PLA2G5: variants seen among roughly 807,000 people sequenced by gnomAD.
PLA2G5 encodes Ca2+-dependent phospholipase A2.
Under a neutral mutation model 15.9 loss-of-function variants are expected in PLA2G5, and 12 were observed. The observed-to-expected ratio is 0.76, with a 90% CI of 0.48 to 1.23. The LOEUF (loss-of-function observed/expected upper bound fraction) is 1.23. PLA2G5 is among the 50% of genes most tolerant of loss of function. PLA2G5 has a pLI of 0.00. For missense variants in PLA2G5, 169 were observed against 177.1 expected, an observed-to-expected ratio of 0.95 and a Z score of 0.26; for synonymous variants, 71 against 71.4, an observed-to-expected ratio of 0.99 and a Z score of 0.03.
At chr1:20,031,311 C>T (rs1477706133) in intron 1 of PLA2G5, among the ~76,000 whole-genome samples, 4 of 152,048 alleles carry the variant, frequency 2.6e-5, no homozygotes, top group Non-Finnish European at 4.4e-5. Flanking sequence ...AAGAGGGGAT[C>T]GTGACTGATT....
At chr1:20,043,348 T>A (rs1412066734) in intron 1 of PLA2G5, among the ~76,000 whole-genome samples, 1 of 152,178 alleles carries the variant, frequency 6.6e-6, no homozygotes, top group Non-Finnish European at 1.5e-5. Flanking sequence ...AAAGAGAGTT[T>A]ATAGGCTTTA....
chr1:20,076,243 A>T (rs1208630667), intron 1 of PLA2G5, among the ~76,000 whole-genome samples: 1 of 151,842 alleles, frequency 6.6e-6, no homozygotes, highest in Non-Finnish European at 1.5e-5. Context: ...TGTTTTTTTT[A>T]AAGCACCGTG....
At chr1:20,074,149 AG>A (rs1163301025) in intron 1 of PLA2G5, among the ~76,000 whole-genome samples, 1 of 152,206 alleles carries the variant, frequency 6.6e-6, no homozygotes, top group Non-Finnish European at 1.5e-5. Context: ...TAAGTATTCT[AG>A]GCAGGGGGAG....
intron 1 of PLA2G5, among the ~76,000 whole-genome samples, chr1:20,078,917 G>A (rs1301273259): frequency 6.6e-6 from 1 of 151,292 alleles, no homozygotes; most frequent in Non-Finnish European, 1.5e-5. Context: ...GACTAGCCTG[G>A]GCAACATGGT....
chr1:20,064,845 G>A (rs898921948), intron 2 of PLA2G5, among the ~76,000 whole-genome samples: 6 of 152,068 alleles, frequency 3.9e-5, no homozygotes, highest in African/African-American at 1.4e-4. Context: ...CAGCTCCATG[G>A]GAATCACCAG....
chr1:20,087,026 C>T (rs566094682), intron 3 of PLA2G5, among the ~76,000 whole-genome samples: 1 of 152,154 alleles, frequency 6.6e-6, no homozygotes, highest in African/African-American at 2.4e-5. Context: ...TAAGCCAGGG[C>T]AGGAAGCCAG....
chr1:20,053,579 G>T lies in PLA2G5; in HGVS notation n.277-6053G>T, dbSNP rs201042113. On this transcript the variant is annotated intron_variant and non_coding_transcript_variant, in intron 1 of 6. Coordinates refer to the PLA2G5 transcript ENST00000460175. ...ATTATGTATTACTTTGCGGGGGGGG[G>T]GGTGATATGCAAAACTTTCCCTTGT... 5.1e-3 allele frequency among the ~76,000 whole-genome samples: 719 copies of T among 140,310 alleles called. 24 individuals are homozygous for T. Among genetic ancestry groups the T allele is most frequent in the African/African-American group, 0.018 (662 of 37,420 alleles). 92.0% of individuals were successfully genotyped at this position (140,310 alleles called of 152,430 possible). A position where few individuals can be genotyped will look rare whatever the true frequency, so the allele number is the denominator to read the frequency against.
At chr1:20,047,043 C>A (rs1000518352) in intron 1 of PLA2G5, among the ~76,000 whole-genome samples, 3 of 152,124 alleles carry the variant, frequency 2.0e-5, no homozygotes, top group African/African-American at 7.2e-5. Flanking sequence ...AAAAGGTGCC[C>A]CTGAGTAACC....
intron 1 of PLA2G5, among the ~76,000 whole-genome samples, chr1:20,051,556 C>T (rs2014178677): frequency 6.6e-6 from 1 of 152,160 alleles, no homozygotes; most frequent in Non-Finnish European, 1.5e-5. Flanking sequence ...TGTTTATCTC[C>T]ACCTGATTTC....
chr1:20,029,394 G>GACATGTTCCTCCGCTA (rs2012772130), intron 1 of PLA2G5, among the ~76,000 whole-genome samples: 3 of 151,990 alleles, frequency 2.0e-5, no homozygotes, highest in African/African-American at 7.3e-5. Context: ...TTCCTCCGCT[G>GACATGTTCCTCCGCTA]ATATGTTCCT....
chr1:20,069,591 G>A (rs1215605906), upstream of PLA2G5, among the ~76,000 whole-genome samples: 1 of 152,036 alleles, frequency 6.6e-6, no homozygotes, highest in Non-Finnish European at 1.5e-5. Flanking sequence ...AGCCCAGGAA[G>A]CCGAGGCTGC....
At chr1:20,057,024 T>C (rs1219965048) in intron 1 of PLA2G5, among the ~76,000 whole-genome samples, 1 of 152,168 alleles carries the variant, frequency 6.6e-6, no homozygotes. Context: ...AATATTACTT[T>C]TATTCCTTTA....
At chr1:20,030,542 C>T (rs931596910) in intron 1 of PLA2G5, among the ~76,000 whole-genome samples, 9 of 151,868 alleles carry the variant, frequency 5.9e-5, no homozygotes, top group Non-Finnish European at 1.3e-4. Context: ...TTCCTCTTAT[C>T]TCAATTGCAA....
chr1:20,088,457 GA>G (rs2016404303), intron 3 of PLA2G5, among the ~76,000 whole-genome samples: 1 of 148,220 alleles, frequency 6.7e-6, no homozygotes, highest in African/African-American at 2.5e-5. Context: ...AGGGAACTCT[GA>G]ATCAATTATG....
In PLA2G5 at chr1:20,083,369, C is replaced by A. The variant is rs914926181; in HGVS notation, c.-10-1452C>A. On this transcript the variant is annotated intron_variant, in intron 1 of 4. Coordinates refer to ENST00000375108, the MANE Select transcript of PLA2G5 (RefSeq NM_000929.3). ...GGGGAGTCTGAAGCATGTTTGGAGG[C>A]CAGGTCTTGGGAGGCGCCAGGGGTT... Among the ~76,000 whole-genome samples, 7 of 151,826 alleles carry A rather than the reference C, an allele frequency of 4.6e-5. No individual in the cohort carries two copies. In the South Asian group the frequency reaches 1.4e-3, roughly 31 times the overall value.
chr1:20,074,243 C>T (rs1000174666), intron 1 of PLA2G5, among the ~76,000 whole-genome samples: 22 of 152,112 alleles, frequency 1.4e-4, no homozygotes, highest in African/African-American at 5.1e-4. Context: ...TCAGAGCCTG[C>T]GGGCATCCTG....
Position 20,090,755 on chromosome 1 carries a change from C to G in PLA2G5, c.*63C>G. 1 of 1,534,270 alleles carries G rather than the reference C, an allele frequency of 6.5e-7. No homozygotes were observed. The highest frequency in any genetic ancestry group is 9.0e-7 in the Non-Finnish European group (1 of 1,109,672). On this transcript the variant is annotated 3_prime_UTR_variant, in exon 5 of 5. Transcript: ENST00000375108. ...TTCTGTTTTTCTACAACACAGAGTA[C>G]TGACTCTGCCTGGTTCCTGAGAGAG...
In PLA2G5 at chr1:20,090,658, A is replaced by G. The variant is rs771124138; in HGVS notation, c.383A>G (p.Gln128Arg). The change falls in exon 5 of 5, where the codon CAG becomes CGG. Residue 128 changes from glutamine (Q) to arginine (R), a missense_variant. Gln to Arg is a conservative substitution (Grantham distance 43). Transcript: ENST00000375108. ...LKRNLRSYNP[Q>R]YQYFPNILCS ...AGAAACCTACGGAGCTACAACCCAC[A>G]GTACCAATACTTTCCCAACATCCTC... is the stretch of plus-strand genomic sequence containing the variant. The G allele has an allele frequency of 7.4e-6, 12 of 1,614,058 alleles. No homozygotes were observed. The highest frequency in any genetic ancestry group is 1.0e-5 in the Non-Finnish European group (12 of 1,179,946).
intron 3 of PLA2G5, 42 bp from the exon 4 acceptor site, chr1:20,089,747 G>A (rs1379423780): frequency 1.1e-5 from 17 of 1,524,530 alleles, no homozygotes; most frequent in Non-Finnish European, 1.4e-5. Flanking sequence ...GGGTCAGGAG[G>A]GCACCCCTCC....
Sources: allele counts gnomAD v4.1 joint callset (sites outside exome capture counted in the v4.1 genomes callset), GRCh38; gene constraint gnomAD v4.1.1; transcripts MANE v1.5; gene names NCBI Gene and HGNC (gene_info 2026-07-23, HGNC 2026-07-21).